The following LINC02747 variants were observed in gnomAD, a reference collection of about 807,000 sequenced individuals.
LINC02747 encodes the protein long independently transcribed non-coding RNA 2747.
chr11:69,480,475 C>T (rs1445176276), intron 1 of LINC02747, among the ~76,000 whole-genome samples: 1 of 152,190 alleles, frequency 6.6e-6, no homozygotes, highest in East Asian at 1.9e-4. Context: ...TCAGACAGGG[C>T]TGGAGGGCTC....
chr11:69,475,805 A>C (rs1027730547), exon 2 of LINC02747: 3 of 152,062 alleles, frequency 2.0e-5, no homozygotes, highest in African/African-American at 7.3e-5. Context: ...CACCCTCAGG[A>C]CTCAACTACA....
At chr11:69,479,002 C>G (rs2134962040) in intron 1 of LINC02747, among the ~76,000 whole-genome samples, 1 of 152,218 alleles carries the variant, frequency 6.6e-6, no homozygotes, top group South Asian at 2.1e-4. Context: ...CGCCTGTAAT[C>G]CCAGCACTTT....
intron 1 of LINC02747, among the ~76,000 whole-genome samples, chr11:69,478,839 C>T (rs1350335276): frequency 1.3e-5 from 2 of 152,084 alleles, no homozygotes; most frequent in African/African-American, 2.4e-5. Flanking sequence ...GCACTCTAGC[C>T]TGGGTGACAG....
At chr11:69,480,931 G>T (rs1242249940) in intron 1 of LINC02747, among the ~76,000 whole-genome samples, 1 of 152,152 alleles carries the variant, frequency 6.6e-6, no homozygotes, top group Non-Finnish European at 1.5e-5. Flanking sequence ...AGGAACCCTT[G>T]GATCACCCCA....
intron 1 of LINC02747, among the ~76,000 whole-genome samples, chr11:69,479,271 A>AAG (rs1857026142): frequency 6.6e-6 from 1 of 151,154 alleles, no homozygotes; most frequent in Admixed American, 6.6e-5. Flanking sequence ...AAAAAAAAAA[A>AAG]AAAAAAGAGA....
At chr11:69,477,428 C>A (rs185654099) in exon 2 of LINC02747, 1 of 152,254 alleles carries the variant, frequency 6.6e-6, no homozygotes, top group Non-Finnish European at 1.5e-5. Flanking sequence ...GGGTCCTGGA[C>A]GCTTGTTCAC....
chr11:69,478,410 G>A (rs1379477464), intron 1 of LINC02747, among the ~76,000 whole-genome samples: 4 of 152,120 alleles, frequency 2.6e-5, no homozygotes, highest in Non-Finnish European at 5.9e-5. Flanking sequence ...GCCTCTGCAA[G>A]TCCCTGGGGA....
At chr11:69,478,321 C>T (rs1039408128) in intron 1 of LINC02747, among the ~76,000 whole-genome samples, 4 of 152,102 alleles carry the variant, frequency 2.6e-5, no homozygotes, top group African/African-American at 9.7e-5. Flanking sequence ...TGACTCCCTG[C>T]ACAGGTACCG....
At chr11:69,479,127 C>A (rs961701013) in intron 1 of LINC02747, among the ~76,000 whole-genome samples, 1 of 151,150 alleles carries the variant, frequency 6.6e-6, no homozygotes, top group Admixed American at 6.6e-5. Context: ...TAATGGCGGG[C>A]ACCTGCAATC....
rs2134962444 is a variant in LINC02747, at chr11:69,479,430, T to A, written n.121-1817A>T. Reference sequence around the variant, plus strand: ...GAGGTTGCCTGCGGTGCCCTAACTCTTCTCTGTTTTCTGATTGCTTTTGCA... The same window carrying A: ...GAGGTTGCCTGCGGTGCCCTAACTCATCTCTGTTTTCTGATTGCTTTTGCA... On this transcript the variant is annotated intron_variant and non_coding_transcript_variant, in intron 1 of 1. Transcript: ENST00000645449. Among the ~76,000 whole-genome samples the A allele has an allele frequency of 2.0e-5, 3 of 152,274 alleles. No individual in the cohort carries two copies. In the South Asian group the frequency reaches 6.2e-4, roughly 32 times the overall value.
intron 1 of LINC02747, among the ~76,000 whole-genome samples, chr11:69,480,657 C>T (rs1857040129): frequency 6.6e-6 from 1 of 152,230 alleles, no homozygotes; most frequent in Admixed American, 6.5e-5. Flanking sequence ...ATCATCCGGA[C>T]TCAACTCCTC....
At chr11:69,478,090 A>G (rs1857012694) in intron 1 of LINC02747, among the ~76,000 whole-genome samples, 1 of 152,130 alleles carries the variant, frequency 6.6e-6, no homozygotes, top group South Asian at 2.1e-4. Context: ...CTGCTAACAA[A>G]TGAATAACAA....
At chr11:69,479,227 C>T (rs1449756501) in intron 1 of LINC02747, among the ~76,000 whole-genome samples, 2 of 136,188 alleles carry the variant, frequency 1.5e-5, no homozygotes, top group African/African-American at 5.7e-5. Context: ...TGCCCTCCAG[C>T]CTGGGTGACA....
At chr11:69,480,464 C>T (rs1264802964) in intron 1 of LINC02747, among the ~76,000 whole-genome samples, 1 of 152,186 alleles carries the variant, frequency 6.6e-6, no homozygotes, top group Non-Finnish European at 1.5e-5. Context: ...AAAAAAATTG[C>T]TCAGACAGGG....
At chr11:69,479,951 A>G (rs1028963671) in intron 1 of LINC02747, 1 of 152,308 alleles carries the variant, frequency 6.6e-6, no homozygotes, top group African/African-American at 2.4e-5. Flanking sequence ...CTGTGAGGGC[A>G]AAGTCTGCAG....
intron 1 of LINC02747, among the ~76,000 whole-genome samples, chr11:69,480,540 G>T (rs1245615906): frequency 1.3e-5 from 2 of 152,190 alleles, no homozygotes; most frequent in African/African-American, 4.8e-5. Flanking sequence ...AGTCCTCTGA[G>T]AGCTTCCCTT....
At chr11:69,480,161 C>A (rs1857035655) in intron 1 of LINC02747, among the ~76,000 whole-genome samples, 1 of 152,196 alleles carries the variant, frequency 6.6e-6, no homozygotes, top group African/African-American at 2.4e-5. Context: ...AGAGGCGTTC[C>A]CTGGCTGCCT....
chr11:69,481,017 C>A (rs180712252), intron 1 of LINC02747, among the ~76,000 whole-genome samples: 63 of 152,338 alleles, frequency 4.1e-4, no homozygotes, highest in African/African-American at 1.5e-3. Flanking sequence ...TGCCAGGCAC[C>A]TACAGTGTGC....
intron 1 of LINC02747, among the ~76,000 whole-genome samples, chr11:69,479,254 C>CAA (rs34812492): frequency 0.046 from 2,077 of 45,098 alleles, 141 homozygotes; most frequent in East Asian, 0.28. Flanking sequence ...GACTCTGTCT[C>CAA]AAAAAAAAAA....
Sources: allele counts gnomAD v4.1 joint callset (sites outside exome capture counted in the v4.1 genomes callset), GRCh38; gene constraint gnomAD v4.1.1; transcripts MANE v1.5; gene names NCBI Gene and HGNC (gene_info 2026-07-23, HGNC 2026-07-21).